Variants in SOCS4 observed in about 807,000 individuals in gnomAD.
SOCS4 encodes the protein suppressor of cytokine signaling 4.
Under a neutral mutation model 34.1 loss-of-function variants are expected in SOCS4, and 20 were observed. The observed-to-expected ratio is 0.59, with a 90% confidence interval of 0.41 to 0.85. SOCS4 has a LOEUF of 0.85. SOCS4 is among the 40% of genes least tolerant of loss of function. The pLI is 0.00. For synonymous variants in SOCS4, 180 were observed against 186.4 expected (o/e 0.97, Z 0.28); for missense variants, 479 against 532.4 (o/e 0.90, Z 0.99).
chr14:55,049,404 G>A lies in SOCS4; in HGVS notation c.*5040G>A, dbSNP rs1011714659. The A allele has an allele frequency of 2.4e-5, 4 of 167,058 alleles. No homozygotes were observed. The highest frequency in any genetic ancestry group is 9.7e-5 in the African/African-American group (4 of 41,446). The allele number at this position is 167,058 out of a possible 1,614,324, so 10.3% of individuals were successfully genotyped here. ...TTTATTTCTAATCCTTAAGTTGAAT[G>A]TTTCTTCTTGGATGTAAGTTCAAAT... On this transcript the variant is annotated 3_prime_UTR_variant, in exon 3 of 3. Transcript: ENST00000555846.
chr14:55,033,546 G>A (rs1054533648), intron 2 of SOCS4, among the ~76,000 whole-genome samples: 4 of 152,104 alleles, frequency 2.6e-5, no homozygotes, highest in African/African-American at 9.7e-5. Context: ...TACCTATGCC[G>A]AAAAGTGAAT....
At position 55,045,814 on chromosome 14, in the gene SOCS4, GAA is replaced by G. The variant is rs1196224559; in HGVS notation, c.*1452_*1453del. ...CTTGATGCTAGTTTAGCTATATTAG[GAA>G]ACTGCTTCTACCTAGATTGAAAGAA... is the stretch of plus-strand genomic sequence containing the variant. On this transcript the variant is annotated 3_prime_UTR_variant, in exon 3 of 3. Transcript: ENST00000555846. 1.1e-4 allele frequency: 19 copies of G among 166,944 alleles called. No individual in the cohort carries two copies. The East Asian group carries it at 2.9e-3, about 25-fold the overall frequency. 10.3% of individuals were successfully genotyped at this position (166,944 alleles called of 1,614,324 possible).
chr14:55,043,281 T>C lies in SOCS4; in HGVS notation c.240T>C (p.His80=), dbSNP rs1473145917. 6.2e-7 allele frequency: 1 copy of C among 1,614,248 alleles called. No individual in the cohort carries two copies. Among genetic ancestry groups the C allele is most frequent in the South Asian group, 1.1e-5 (1 of 91,082 alleles). ...CATCCATTGAGTTGGACTTAGATCATTCCTGTGGGCATCGATTTTTAGGCC... is the reference window on the plus strand; with the variant it reads ...CATCCATTGAGTTGGACTTAGATCACTCCTGTGGGCATCGATTTTTAGGCC... ...SCSSIELDLD[H]SCGHRFLGRS... The change falls in exon 3 of 3, where the codon CAT becomes CAC. Residue 80 remains histidine (H), a synonymous_variant. Coordinates refer to ENST00000555846, the MANE Select transcript of SOCS4 (RefSeq NM_199421.2).
intron 2 of SOCS4, among the ~76,000 whole-genome samples, chr14:55,041,783 C>CATTTTTTTTTTTTTTTTT (rs2042620668): frequency 2.5e-5 from 1 of 40,052 alleles, no homozygotes; most frequent in Non-Finnish European, 4.8e-5. Context: ...AACCCTTAAT[C>CATTTTTTTTTTTTTTTTT]TTTTTTTTTT....
At chr14:55,028,350 A>G (rs2042489944) in intron 1 of SOCS4, among the ~76,000 whole-genome samples, 1 of 152,198 alleles carries the variant, frequency 6.6e-6, no homozygotes, top group Non-Finnish European at 1.5e-5. Context: ...TTTGTGGAAA[A>G]ATAACCCACT....
chr14:55,039,328 C>T (rs899157653), intron 2 of SOCS4, among the ~76,000 whole-genome samples: 1 of 152,044 alleles, frequency 6.6e-6, no homozygotes, highest in Admixed American at 6.6e-5. Flanking sequence ...TTCCCTACTA[C>T]TCCAGAGGCT....
Position 55,043,268 on chromosome 14 carries a change from T to C in SOCS4, c.227T>C (p.Leu76Ser). 1 of 1,614,250 alleles carries C rather than the reference T, an allele frequency of 6.2e-7. No homozygotes were observed. Among genetic ancestry groups the C allele is most frequent in the Non-Finnish European group, 8.5e-7 (1 of 1,180,038 alleles). The part of the protein sequence containing the change: ...ERKHSCSSIE[L>S]DLDHSCGHRF... ...AAGCACAGCTGTTCATCCATTGAGT[T>C]GGACTTAGATCATTCCTGTGGGCAT... The change falls in exon 3 of 3, where the codon TTG becomes TCG. Residue 76 changes from leucine (L) to serine (S), a missense_variant. Leu to Ser is a moderately radical substitution (Grantham distance 145). Transcript: ENST00000555846.
chr14:55,042,130 A>G (rs1427358389), intron 2 of SOCS4, among the ~76,000 whole-genome samples: 1 of 152,186 alleles, frequency 6.6e-6, no homozygotes, highest in Non-Finnish European at 1.5e-5. Flanking sequence ...AGTAAATTCC[A>G]TTTACAAACA....
intron 1 of SOCS4, among the ~76,000 whole-genome samples, chr14:55,030,163 T>C (rs1296272742): frequency 6.6e-6 from 1 of 152,150 alleles, no homozygotes; most frequent in Non-Finnish European, 1.5e-5. Context: ...ACTTAGAATT[T>C]AGTAAAACAT....
intron 2 of SOCS4, among the ~76,000 whole-genome samples, chr14:55,039,244 T>A (rs10151305): frequency 6.6e-6 from 1 of 152,008 alleles, no homozygotes; most frequent in Non-Finnish European, 1.5e-5. Flanking sequence ...AAGACCAGCC[T>A]GGGCAACCTA....
intron 1 of SOCS4, among the ~76,000 whole-genome samples, chr14:55,030,547 A>C (rs1195884240): frequency 1.3e-5 from 2 of 152,190 alleles, no homozygotes; most frequent in African/African-American, 2.4e-5. Context: ...CTTTAAAAAA[A>C]GTGTTCCCAC....
chr14:55,038,412 G>A (rs1246130935), intron 2 of SOCS4, among the ~76,000 whole-genome samples: 2 of 152,172 alleles, frequency 1.3e-5, no homozygotes, highest in Non-Finnish European at 2.9e-5. Flanking sequence ...TTCACTGTAT[G>A]CTTGGGTGGT....
Position 55,046,920 on chromosome 14 carries a change from T to TA in SOCS4, c.*2557dup, listed in dbSNP as rs1381793906. 1 of 167,048 alleles carries TA rather than the reference T, an allele frequency of 6.0e-6. No homozygotes were observed. Among genetic ancestry groups the TA allele is most frequent in the East Asian group, 1.9e-4 (1 of 5,206 alleles). The allele number at this position is 167,048 out of a possible 1,614,324, so 10.3% of individuals were successfully genotyped here. On this transcript the variant is annotated 3_prime_UTR_variant, in exon 3 of 3. Transcript: ENST00000555846. ...TTGTAAGGATACATTTGGAAGAACA[T>TA]ACAGTATTCAGAAACTAACCTATAT...
In SOCS4 at chr14:55,046,829, G is replaced by A. The variant is rs753311139; in HGVS notation, c.*2465G>A. 6.0e-6 allele frequency: 1 copy of A among 166,686 alleles called. No individual in the cohort carries two copies. The highest frequency in any genetic ancestry group is 2.4e-5 in the African/African-American group (1 of 41,174). 10.3% of individuals were successfully genotyped at this position (166,686 alleles called of 1,614,324 possible). A position where few individuals can be genotyped will look rare whatever the true frequency, so the allele number is the denominator to read the frequency against. On this transcript the variant is annotated 3_prime_UTR_variant, in exon 3 of 3. Transcript: ENST00000555846. ...GAATTGTTTAAGGGAAAAGAAAAGA[G>A]TAATAATTTTTTTTAAAACATTAAG...
Position 55,043,270 on chromosome 14 carries a change from G to C in SOCS4, c.229G>C (p.Asp77His). The C allele has an allele frequency of 6.2e-7, 1 of 1,614,220 alleles. No individual in the cohort carries two copies. The highest frequency in any genetic ancestry group is 8.5e-7 in the Non-Finnish European group (1 of 1,180,034). The change falls in exon 3 of 3, where the codon GAC becomes CAC. Residue 77 changes from aspartate (D) to histidine (H), a missense_variant. By Grantham distance (81) the Asp-to-His change is moderately conservative. Coordinates refer to ENST00000555846, the MANE Select transcript of SOCS4 (RefSeq NM_199421.2). Reference protein sequence around the residue: ...RKHSCSSIELDLDHSCGHRFL... With the variant: ...RKHSCSSIELHLDHSCGHRFL... ...GCACAGCTGTTCATCCATTGAGTTG[G>C]ACTTAGATCATTCCTGTGGGCATCG...
intron 2 of SOCS4, among the ~76,000 whole-genome samples, chr14:55,039,962 A>G (rs964782958): frequency 6.6e-6 from 1 of 152,182 alleles, no homozygotes; most frequent in Non-Finnish European, 1.5e-5. Context: ...GAAGGAAGAA[A>G]TGCCACAATT....
chr14:55,043,844 T>A lies in SOCS4; in HGVS notation c.803T>A (p.Ile268Asn). 6.2e-7 allele frequency: 1 copy of A among 1,614,148 alleles called. No homozygotes were observed. The highest frequency in any genetic ancestry group is 8.5e-7 in the Non-Finnish European group (1 of 1,180,020). ...ACACCTCCTAAATACCACACGCAGA[T>A]TGATTATGTCCACTGTCTTGTACCA... ...LETPPKYHTQ[I>N]DYVHCLVPDL... Residue 268 changes from isoleucine (I) to asparagine (N), a missense_variant, in exon 3 of 3, where the codon ATT becomes AAT. Transcript: ENST00000555846.
rs945436731 is a variant in SOCS4 at position 55,046,554 on chromosome 14, AC to A, written c.*2192del. ...TTTATATGAAAGTCAAGATCTAAGT[AC>A]CTTTTCATATAATTCAAACTGATTG... On this transcript the variant is annotated 3_prime_UTR_variant, in exon 3 of 3. Coordinates refer to ENST00000555846, the MANE Select transcript of SOCS4 (RefSeq NM_199421.2). The A allele has an allele frequency of 1.8e-5, 3 of 166,988 alleles. No homozygotes were observed. The highest frequency in any genetic ancestry group is 4.4e-5 in the Non-Finnish European group (3 of 68,026). 10.3% of individuals were successfully genotyped at this position (166,988 alleles called of 1,614,324 possible). A position where few individuals can be genotyped will look rare whatever the true frequency, so the allele number is the denominator to read the frequency against.
chr14:55,043,543 C>G lies in SOCS4; in HGVS notation c.502C>G (p.Gln168Glu). The change falls in exon 3 of 3, where the codon CAG (glutamine) becomes GAG (glutamate). Residue 168 changes from glutamine (Q) to glutamate (E), a missense_variant. Coordinates refer to ENST00000555846, the MANE Select transcript of SOCS4 (RefSeq NM_199421.2). ...SDEWVSTDLS[Q>E]TELRDGQLKR... ...TGAATGGGTAAGCACAGACTTGTCT[C>G]AGACTGAATTGAGGGATGGTCAGCT... is the stretch of plus-strand genomic sequence containing the variant. 6.2e-7 allele frequency: 1 copy of G among 1,614,162 alleles called. No individual in the cohort carries two copies. Among genetic ancestry groups the G allele is most frequent in the Non-Finnish European group, 8.5e-7 (1 of 1,180,028 alleles).
Sources: gnomAD v4.1 joint callset for allele counts (sites outside exome capture counted in the v4.1 genomes callset) on GRCh38, gnomAD v4.1.1 for gene constraint, MANE v1.5 for transcripts, NCBI Gene and HGNC (gene_info 2026-07-23, HGNC 2026-07-21) for gene names.